DCDC2C: variants seen among roughly 807,000 people sequenced by gnomAD.
DCDC2C encodes doublecortin domain containing 2C, also known as doublecortin domain-containing protein 2C.
A neutral mutation model predicts 45.0 loss-of-function variants in DCDC2C; 44 were observed. That is an observed-to-expected ratio of 0.98 (90% CI 0.77 to 1.26). The LOEUF (loss-of-function observed/expected upper bound fraction) is 1.26, where lower values mean the gene tolerates loss of function less well. DCDC2C is among the 50% of genes most tolerant of loss of function. The probability of loss-of-function intolerance (pLI) is 0.00; values close to 1 mark genes in which losing one functional copy is unlikely to be tolerated. For missense variants in DCDC2C, 447 were observed against 468.9 expected, an observed-to-expected ratio of 0.95 and a Z score of 0.43; for synonymous variants, 187 against 178.8, an observed-to-expected ratio of 1.05 and a Z score of -0.37.
At position 3,752,892 on chromosome 2, in the gene DCDC2C, G is replaced by A. The variant is rs758835532; in HGVS notation, c.675G>A (p.Glu225=). 6.4e-7 allele frequency: 1 copy of A among 1,550,444 alleles called. No individual in the cohort carries two copies. Among genetic ancestry groups the A allele is most frequent in the South Asian group, 1.2e-5 (1 of 84,046 alleles). Residue 225 remains glutamate, a synonymous_variant, in exon 5 of 11, where the codon GAG becomes GAA. Transcript: ENST00000399143. The stretch of plus-strand genomic sequence containing the variant: ...GGAAGTCTCCAAGGGTGCCCAGTGA[G>A]GTCCAACAGTGAGCATGCTTCGTAC... ...PYWKSPRVPS[E]VQQRYANVEK...
At chr2:3,802,638 G>A (rs993447031) in intron 10 of DCDC2C, among the ~76,000 whole-genome samples, 1 of 152,168 alleles carries the variant, frequency 6.6e-6, no homozygotes, top group Non-Finnish European at 1.5e-5. Context: ...GTCCTCATGT[G>A]GTGGAAGGGG....
intron 10 of DCDC2C, among the ~76,000 whole-genome samples, chr2:3,845,150 A>G (rs1672298154): frequency 6.6e-6 from 1 of 152,198 alleles, no homozygotes; most frequent in Non-Finnish European, 1.5e-5. Context: ...GGTATGCACG[A>G]GGTCTGTGGC....
At chr2:3,800,224 A>G (rs1277657450) in intron 10 of DCDC2C, among the ~76,000 whole-genome samples, 1 of 152,116 alleles carries the variant, frequency 6.6e-6, no homozygotes, top group Non-Finnish European at 1.5e-5. Flanking sequence ...GCCCTGCTTC[A>G]GCTCGCACAC....
chr2:3,823,930 A>C (rs988774565), intron 10 of DCDC2C, among the ~76,000 whole-genome samples: 1 of 152,232 alleles, frequency 6.6e-6, no homozygotes, highest in Admixed American at 6.5e-5. Flanking sequence ...GCTGTGTGCC[A>C]TGTGGTCTTT....
rs1672373492 is a variant in DCDC2C at position 3,847,890 on chromosome 2, T to C, written c.*707T>C. Among the ~76,000 whole-genome samples, 1 of 152,126 alleles carries C rather than the reference T, an allele frequency of 6.6e-6. No homozygotes were observed. Among genetic ancestry groups the C allele is most frequent in the Non-Finnish European group, 1.5e-5 (1 of 68,018 alleles). ...CTCCTGCTCTGCCATGTGAAAAAGA[T>C]TCTTGCTTCCCCTTCGCCCTTCTGC... On this transcript the variant is annotated 3_prime_UTR_variant, in exon 11 of 11. Transcript: ENST00000399143.
intron 2 of DCDC2C, among the ~76,000 whole-genome samples, chr2:3,720,464 A>G (rs191304359): frequency 6.6e-6 from 1 of 152,208 alleles, no homozygotes; most frequent in East Asian, 1.9e-4. Context: ...TGTATTAGAC[A>G]CTCTTTTGTT....
chr2:3,815,075 T>G (rs1671520461), intron 10 of DCDC2C, among the ~76,000 whole-genome samples: 1 of 152,250 alleles, frequency 6.6e-6, no homozygotes, highest in Non-Finnish European at 1.5e-5. Flanking sequence ...TCTTGGGAGT[T>G]CAGTAGGCTT....
intron 9 of DCDC2C, among the ~76,000 whole-genome samples, chr2:3,780,670 C>G (rs531258760): frequency 6.6e-6 from 1 of 152,164 alleles, no homozygotes; most frequent in Non-Finnish European, 1.5e-5. Flanking sequence ...GAAGGCATCC[C>G]GAGCTTCACC....
chr2:3,718,752 G>A lies in DCDC2C; in HGVS notation c.340-8251G>A, dbSNP rs141976081. Among the ~76,000 whole-genome samples, 1,320 of 152,240 alleles carry A rather than the reference G, an allele frequency of 8.7e-3. 20 individuals carry two copies. Among genetic ancestry groups the A allele is most frequent in the African/African-American group, 0.03 (1,254 of 41,532 alleles). ...ATTGTGTCTGGAGTTGGTTCCTGCC[G>A]GTGGGTTTGTCGTCTCGCTGACTTC... On this transcript the variant is annotated intron_variant, in intron 2 of 10. Transcript: ENST00000399143.
chr2:3,757,994 G>A (rs904284237), intron 6 of DCDC2C, among the ~76,000 whole-genome samples: 1 of 152,198 alleles, frequency 6.6e-6, no homozygotes, highest in African/African-American at 2.4e-5. Flanking sequence ...CCAGGAAGAT[G>A]TTTTTATTTG....
At chr2:3,770,436 C>G (rs371358764) in intron 8 of DCDC2C, among the ~76,000 whole-genome samples, 26 of 152,316 alleles carry the variant, frequency 1.7e-4, no homozygotes, top group African/African-American at 6.0e-4. Context: ...TTCTAGCTTT[C>G]CACTTCCTTT....
chr2:3,718,460 A>G (rs1668403968), intron 2 of DCDC2C, among the ~76,000 whole-genome samples: 1 of 152,160 alleles, frequency 6.6e-6, no homozygotes, highest in Admixed American at 6.5e-5. Context: ...TGCATGATAC[A>G]TAAATCAAGT....
At chr2:3,800,629 G>T (rs1035938930) in intron 10 of DCDC2C, among the ~76,000 whole-genome samples, 1 of 123,948 alleles carries the variant, frequency 8.1e-6, no homozygotes, top group Non-Finnish European at 1.9e-5. Flanking sequence ...TGAGATAATC[G>T]TGTGGCTTCA....
intron 6 of DCDC2C, 61 bp downstream of exon 6, chr2:3,754,695 A>T: frequency 1.4e-6 from 2 of 1,463,620 alleles, no homozygotes; most frequent in South Asian, 1.2e-5. Flanking sequence ...TTCTGGCATT[A>T]ACAAGGGCAC....
rs1671601350 is a variant in DCDC2C at position 3,818,239 on chromosome 2, A to G, written c.1066-28915A>G. 6.6e-6 allele frequency among the ~76,000 whole-genome samples: 1 copy of G among 152,222 alleles called. No individual in the cohort carries two copies. The highest frequency in any genetic ancestry group is 6.5e-5 in the Admixed American group (1 of 15,292). ...TATGAGAAAGGGCTTGACTGAAGTAATGAGGGCTGTCCATGAAGCCTTGTG... is the reference window on the plus strand; with the variant it reads ...TATGAGAAAGGGCTTGACTGAAGTAGTGAGGGCTGTCCATGAAGCCTTGTG... On this transcript the variant is annotated intron_variant, in intron 10 of 10. Coordinates refer to ENST00000399143, the MANE Select transcript of DCDC2C (RefSeq NM_001287444.2). This position sits in a 1 kb window ranked among gnomAD's most constrained non-coding sequence, Gnocchi z 4.7.
At chr2:3,729,438 G>A (rs568044330) in intron 3 of DCDC2C, among the ~76,000 whole-genome samples, 38 of 152,366 alleles carry the variant, frequency 2.5e-4, no homozygotes, top group African/African-American at 9.1e-4. Context: ...AGTTGGGGAA[G>A]GAGCTGAGTT....
chr2:3,782,384 T>C (rs113004486), intron 9 of DCDC2C, among the ~76,000 whole-genome samples: 4 of 152,286 alleles, frequency 2.6e-5, no homozygotes, highest in African/African-American at 9.6e-5. Context: ...AATTATACAA[T>C]CACTACAATT....
In DCDC2C at chr2:3,769,216, C is replaced by G. The variant is rs148619394; in HGVS notation, c.854-95C>G. 3.1e-5 allele frequency: 38 copies of G among 1,218,702 alleles called. 1 individual carries two copies. In the African/African-American group the frequency reaches 4.0e-4, roughly 13 times the overall value. 75.5% of individuals were successfully genotyped at this position (1,218,702 alleles called of 1,614,324 possible). On this transcript the variant is annotated intron_variant, in intron 7 of 10. Coordinates refer to ENST00000399143, the MANE Select transcript of DCDC2C (RefSeq NM_001287444.2). ...GTGGCCTGCCCGAAGCTCCAGGATG[C>G]CCGGCTTCGTAACTTGGGTTTGGGT...
chr2:3,727,128 T>TA, intron 3 of DCDC2C, 49 bp downstream of exon 3: 1 of 1,427,086 alleles, frequency 7.0e-7, no homozygotes, highest in Non-Finnish European at 9.6e-7. Context: ...CATAACTCCC[T>TA]AAAAACAATA....
Sources: allele counts gnomAD v4.1 joint callset (sites outside exome capture counted in the v4.1 genomes callset), GRCh38; gene constraint gnomAD v4.1.1; non-coding constraint Gnocchi (gnomAD v3.1); transcripts MANE v1.5; gene names NCBI Gene and HGNC (gene_info 2026-07-23, HGNC 2026-07-21).